Variants in RIMBP2 observed in about 807,000 individuals in gnomAD.
RIMBP2 encodes RIMS-binding protein 2.
A neutral mutation model predicts 118.6 loss-of-function variants in RIMBP2; 48 were observed. That is an observed-to-expected ratio of 0.40 (90% CI 0.32 to 0.51). The LOEUF is 0.51. Among genes scored for constraint, RIMBP2 ranks in the 20% least tolerant of loss-of-function variants. The pLI, the probability that RIMBP2 is intolerant of heterozygous loss-of-function variation, is 0.41. For synonymous variants in RIMBP2, 762 were observed against 742.9 expected (o/e 1.03, Z -0.42); for missense variants, 1,551 against 1,768.3 (o/e 0.88, Z 2.20).
Position 130,531,838 on chromosome 12 carries a change from C to T in RIMBP2, c.-216-13921G>A, listed in dbSNP as rs959323196. ...AAAACCCAGATGCCTCTAGGAGTTA[C>T]GTCTAATGAGATGCGTATGTTTAGC... On this transcript the variant is annotated intron_variant, in intron 2 of 22. Transcript: ENST00000690449. Among the ~76,000 whole-genome samples, 3 of 150,962 alleles carry T rather than the reference C, an allele frequency of 2.0e-5. No homozygotes were observed. In the East Asian group the frequency reaches 5.8e-4, roughly 29 times the overall value.
chr12:130,424,593 GC>G lies in RIMBP2; in HGVS notation c.2677del (p.Ala893ProfsTer72). ...AAGGAAGTCCTCCACGTGGGGGACG[GC>G]CCCCGAGCCCCTGTGCTTCACCGGG... ...WFPVKHRGSG[A>X]VPHVEDFLLE... On this transcript the variant is annotated frameshift_variant, in exon 16 of 23. Coordinates refer to ENST00000690449, the MANE Select transcript of RIMBP2 (RefSeq NM_001393629.1). LOFTEE classifies it high-confidence loss of function. The surrounding 1 kb of genome is among the most constrained non-coding windows in gnomAD (Gnocchi z 9.8). The G allele has an allele frequency of 8.1e-7, 1 of 1,231,914 alleles. No individual in the cohort carries two copies. Among genetic ancestry groups the G allele is most frequent in the Non-Finnish European group, 1.0e-6 (1 of 987,826 alleles). 76.3% of individuals were successfully genotyped at this position (1,231,914 alleles called of 1,614,324 possible).
At chr12:130,667,958 A>G (rs1254813195) in intron 1 of RIMBP2, 1 of 152,192 alleles carries the variant, frequency 6.6e-6, no homozygotes, top group African/African-American at 2.4e-5. Flanking sequence ...CAAATCTGTA[A>G]TAAGTATAGC....
In RIMBP2 at chr12:130,469,867, G is replaced by A. The variant is rs965662486; in HGVS notation, c.153+826C>T. Among the ~76,000 whole-genome samples the A allele has an allele frequency of 4.6e-5, 7 of 152,150 alleles. No individual in the cohort carries two copies. The highest frequency in any genetic ancestry group is 1.7e-4 in the African/African-American group (7 of 41,436). Reference sequence around the variant, plus strand: ...AGGTAAATCTCTCCTTGAGGGGGTGGTGAATTACACGATCCTTGACTTCGG... The same window carrying A: ...AGGTAAATCTCTCCTTGAGGGGGTGATGAATTACACGATCCTTGACTTCGG... On this transcript the variant is annotated intron_variant, in intron 6 of 22. Transcript: ENST00000690449. This position sits in a 1 kb window ranked among gnomAD's most constrained non-coding sequence, Gnocchi z 4.8.
intron 7 of RIMBP2, among the ~76,000 whole-genome samples, chr12:130,453,060 C>T (rs778411481): frequency 2.0e-4 from 30 of 152,166 alleles, no homozygotes; most frequent in Non-Finnish European, 3.1e-4. Context: ...CTTCAAAATA[C>T]GTATGTTCTA....
chr12:130,661,917 T>C (rs1015002410), intron 1 of RIMBP2, among the ~76,000 whole-genome samples: 7 of 152,204 alleles, frequency 4.6e-5, no homozygotes, highest in Admixed American at 3.3e-4. Flanking sequence ...CTGTGTTCCC[T>C]CTTCTCTGCA....
intron 2 of RIMBP2, among the ~76,000 whole-genome samples, chr12:130,627,854 C>T (rs559820802): frequency 2.9e-4 from 44 of 152,298 alleles, no homozygotes; most frequent in Admixed American, 7.2e-4. Flanking sequence ...ACATGGTCGC[C>T]GCCTAATCCT....
chr12:130,667,143 G>GAT (rs2063982942), intron 1 of RIMBP2, among the ~76,000 whole-genome samples: 1 of 53,878 alleles, frequency 1.9e-5, no homozygotes, highest in Non-Finnish European at 4.2e-5. Context: ...GAGAGGGAGG[G>GAT]AAGGGAGGAA....
intron 9 of RIMBP2, among the ~76,000 whole-genome samples, chr12:130,449,475 C>T (rs948289698): frequency 1.3e-5 from 2 of 152,160 alleles, no homozygotes; most frequent in Admixed American, 6.5e-5. Context: ...GTCATCGCAG[C>T]GAGATGCAGC....
At chr12:130,643,113 C>T (rs1339202117) in intron 1 of RIMBP2, among the ~76,000 whole-genome samples, 3 of 152,222 alleles carry the variant, frequency 2.0e-5, no homozygotes, top group East Asian at 1.9e-4. Flanking sequence ...ACGAAGTCCC[C>T]GCAACAGCCA....
In RIMBP2 at chr12:130,447,358, AC is replaced by A. The variant is rs2078616126; in HGVS notation, c.582-2090del. ...CTCCTGCGTGTGGGCCCTGGAGGCC[AC>A]CCGACCTCGTGGGTGTTCAGGGCAG... On this transcript the variant is annotated intron_variant, in intron 9 of 22. Transcript: ENST00000690449. The surrounding 1 kb of genome is among the most constrained non-coding windows in gnomAD (Gnocchi z 4.4). 6.6e-6 allele frequency among the ~76,000 whole-genome samples: 1 copy of A among 151,986 alleles called. No individual in the cohort carries two copies. Among genetic ancestry groups the A allele is most frequent in the Non-Finnish European group, 1.5e-5 (1 of 67,984 alleles).
intron 2 of RIMBP2, among the ~76,000 whole-genome samples, chr12:130,563,476 T>C (rs2056972232): frequency 6.6e-6 from 1 of 152,222 alleles, no homozygotes; most frequent in South Asian, 2.1e-4. Flanking sequence ...CTTCTACAAT[T>C]ATTAAGCTGT....
In RIMBP2 at chr12:130,438,514, G is replaced by A; in HGVS notation, c.1507C>T (p.Pro503Ser). ...GTAACATCTTGTGGGGGTGCTGGGG[G>A]TCCTGGGAGGGGACAGAAGGGAACG... ...FVEFSTLPAG[P>S]PAPPQDVTVQ... The change falls in exon 12 of 23, where the codon CCC becomes TCC. Residue 503 changes from proline (P) to serine (S), a missense_variant and splice_region_variant. This residue lies in a region of RIMBP2 where 1,038 missense variants were observed against 1,125.1 expected (regional missense o/e 0.92). Coordinates refer to ENST00000690449, the MANE Select transcript of RIMBP2 (RefSeq NM_001393629.1). The A allele has an allele frequency of 1.9e-6, 3 of 1,599,058 alleles. No individual in the cohort carries two copies. The highest frequency in any genetic ancestry group is 2.6e-6 in the Non-Finnish European group (3 of 1,172,138).
intron 16 of RIMBP2, among the ~76,000 whole-genome samples, chr12:130,423,313 G>GGCTGCGGGCT (rs2076534923): frequency 6.6e-6 from 1 of 152,220 alleles, no homozygotes; most frequent in Non-Finnish European, 1.5e-5. Flanking sequence ...GGGCAGGGGA[G>GGCTGCGGGCT]GCTGCGGGCT....
intron 2 of RIMBP2, among the ~76,000 whole-genome samples, chr12:130,613,191 C>T (rs2060666111): frequency 6.6e-6 from 1 of 152,208 alleles, no homozygotes; most frequent in Admixed American, 6.5e-5. Flanking sequence ...GGGGATGGGA[C>T]GGAGGGAGAG....
chr12:130,497,323 C>T (rs2049281305), intron 4 of RIMBP2, among the ~76,000 whole-genome samples: 1 of 152,220 alleles, frequency 6.6e-6, no homozygotes, highest in African/African-American at 2.4e-5. Context: ...TCCCTGGGCT[C>T]CGTAATCACT....
chr12:130,408,527 ACT>A (rs1194023943), intron 19 of RIMBP2, among the ~76,000 whole-genome samples: 2 of 152,102 alleles, frequency 1.3e-5, no homozygotes, highest in Non-Finnish European at 2.9e-5. Context: ...ATCCCAGCAC[ACT>A]CAGAAGCATA....
At chr12:130,441,402 A>AATAATAATAATCATAATC (rs200953735) in intron 11 of RIMBP2, among the ~76,000 whole-genome samples, 1 of 37,936 alleles carries the variant, frequency 2.6e-5, no homozygotes, top group Non-Finnish European at 5.2e-5. Context: ...CTCCATCTCA[A>AATAATAATAATCATAATC]ATAATAATAA....
In RIMBP2 at chr12:130,606,894, C is replaced by T. The variant is rs147574309; in HGVS notation, c.-217+21428G>A. ...TCGCCCAGGCTAGGGTGCAGTAGCG[C>T]GATCTCAGCTCACTGCAACCTCCGC... On this transcript the variant is annotated intron_variant, in intron 2 of 22. Transcript: ENST00000690449. Among the ~76,000 whole-genome samples, 502 of 152,264 alleles carry T rather than the reference C, an allele frequency of 3.3e-3. 4 individuals carry two copies. Among genetic ancestry groups the T allele is most frequent in the African/African-American group, 0.011 (468 of 41,552 alleles).
Position 130,576,493 on chromosome 12 carries a change from G to A in RIMBP2, c.-217+51829C>T, listed in dbSNP as rs1054626469. Among the ~76,000 whole-genome samples, 21 of 152,132 alleles carry A rather than the reference G, an allele frequency of 1.4e-4. No individual in the cohort carries two copies. The highest frequency in any genetic ancestry group is 6.5e-5 in the Admixed American group (1 of 15,286). On this transcript the variant is annotated intron_variant, in intron 2 of 22. Coordinates refer to ENST00000690449, the MANE Select transcript of RIMBP2 (RefSeq NM_001393629.1). This position sits in a 1 kb window ranked among gnomAD's most constrained non-coding sequence, Gnocchi z 4.2. ...GTGCGGGCTAAGTATCTCCTCCCGC[G>A]GGAAGCAGATGGCCCCTGCATGTGC...
Sources: allele counts gnomAD v4.1 joint callset (sites outside exome capture counted in the v4.1 genomes callset), GRCh38; gene constraint gnomAD v4.1.1; regional missense constraint gnomAD v4.1.1; non-coding constraint Gnocchi (gnomAD v3.1); transcripts MANE v1.5; gene names NCBI Gene and HGNC (gene_info 2026-07-23, HGNC 2026-07-21).